Variants in PDE1C observed in about 807,000 individuals in gnomAD.
PDE1C encodes the protein dual specificity calcium/calmodulin-dependent 3',5'-cyclic nucleotide phosphodiesterase 1C.
A neutral mutation model predicts 93.1 loss-of-function variants in PDE1C; 62 were observed. That is an observed-to-expected ratio of 0.67 (90% CI 0.54 to 0.82). The LOEUF is 0.82. Among genes scored for constraint, PDE1C ranks in the 40% least tolerant of loss-of-function variants. The pLI is 0.00. For synonymous variants in PDE1C, 325 were observed against 310.1 expected (o/e 1.05, Z -0.50); for missense variants, 742 against 884.6 (o/e 0.84, Z 2.04).
At chr7:31,716,405 A>C in the PDE1C span, among the ~76,000 whole-genome samples, 3 of 152,186 alleles carry the variant, frequency 2.0e-5, no homozygotes, top group African/African-American at 7.2e-5. Context: ...GTCAGCTATT[A>C]CCATGATTTA....
At chr7:31,901,762 A>T (rs1283145315) in intron 2 of PDE1C, among the ~76,000 whole-genome samples, 1 of 151,656 alleles carries the variant, frequency 6.6e-6, no homozygotes, top group Non-Finnish European at 1.5e-5. Flanking sequence ...TATTGTCAAT[A>T]TTGAGAAAAC....
chr7:32,176,622 T>C (rs1562550130), intron 2 of PDE1C, among the ~76,000 whole-genome samples: 1 of 152,178 alleles, frequency 6.6e-6, no homozygotes, highest in Non-Finnish European at 1.5e-5. Flanking sequence ...AAAATAATGA[T>C]TAATTTAAAT....
exon 1 of PDE1C, chr7:32,299,283 C>CCCT: frequency 1.0e-6 from 1 of 986,528 alleles, no homozygotes; most frequent in Non-Finnish European, 1.2e-6. Flanking sequence ...AAAGGCAAAC[C>CCCT]CCTCAGCCAT....
intron 3 of PDE1C, among the ~76,000 whole-genome samples, chr7:32,129,803 G>GT (rs1393708072): frequency 1.3e-5 from 2 of 151,902 alleles, no homozygotes; most frequent in Admixed American, 6.6e-5. Flanking sequence ...ATGGATTTCT[G>GT]TTTTTTCTTC....
chr7:31,771,019 C>G (rs1409791221), intron 17 of PDE1C, among the ~76,000 whole-genome samples: 5 of 152,212 alleles, frequency 3.3e-5, no homozygotes, highest in African/African-American at 9.6e-5. Flanking sequence ...AGATTTTGAA[C>G]CACTTCTTTT....
intron 1 of PDE1C, among the ~76,000 whole-genome samples, chr7:32,382,824 G>A (rs1041844549): frequency 2.6e-5 from 4 of 152,166 alleles, no homozygotes; most frequent in African/African-American, 4.8e-5. Context: ...ACCAGTCCAC[G>A]CGACTCCGAC....
chr7:31,863,321 T>C (rs1198232612), intron 7 of PDE1C, among the ~76,000 whole-genome samples: 2 of 152,214 alleles, frequency 1.3e-5, no homozygotes, highest in African/African-American at 4.8e-5. Flanking sequence ...TTTTATTTGA[T>C]CTAAAAGGGC....
chr7:32,130,748 T>C (rs1250321625), intron 3 of PDE1C, among the ~76,000 whole-genome samples: 1 of 152,022 alleles, frequency 6.6e-6, no homozygotes, highest in Non-Finnish European at 1.5e-5. Context: ...TAATGAAGAA[T>C]TTAAATAACA....
intron 17 of PDE1C, among the ~76,000 whole-genome samples, chr7:31,763,510 T>G (rs1385120456): frequency 6.6e-6 from 1 of 152,210 alleles, no homozygotes; most frequent in Non-Finnish European, 1.5e-5. Context: ...TATTACTAGC[T>G]GTGAAATCCT....
intron 1 of PDE1C, among the ~76,000 whole-genome samples, chr7:32,218,961 T>G (rs1446392649): frequency 6.6e-6 from 1 of 152,154 alleles, no homozygotes; most frequent in African/African-American, 2.4e-5. Flanking sequence ...CATCCTCAGG[T>G]AGCCAGGAAT....
At chr7:32,425,197 C>T (rs1283052802) in intron 1 of PDE1C, among the ~76,000 whole-genome samples, 1 of 151,782 alleles carries the variant, frequency 6.6e-6, no homozygotes, top group Non-Finnish European at 1.5e-5. Context: ...TAGTTTACTC[C>T]CAGGTTCTCT....
chr7:31,860,286 C>T (rs1040167856), intron 7 of PDE1C, among the ~76,000 whole-genome samples: 7 of 152,200 alleles, frequency 4.6e-5, no homozygotes, highest in South Asian at 2.1e-4. Context: ...ACTGGCATCT[C>T]GTGACTACAG....
intron 2 of PDE1C, among the ~76,000 whole-genome samples, chr7:31,892,218 T>A (rs1798734921): frequency 6.6e-6 from 1 of 152,138 alleles, no homozygotes; most frequent in Non-Finnish European, 1.5e-5. Flanking sequence ...TAGGGGTAAA[T>A]GTTCACCAGT....
chr7:31,839,810 G>A (rs1388372583), intron 9 of PDE1C, among the ~76,000 whole-genome samples: 1 of 152,196 alleles, frequency 6.6e-6, no homozygotes, highest in Non-Finnish European at 1.5e-5. Context: ...GCTGAGGCAG[G>A]TGGATCACCT....
intron 2 of PDE1C, among the ~76,000 whole-genome samples, chr7:31,948,819 G>A (rs1806973691): frequency 6.6e-6 from 1 of 152,088 alleles, no homozygotes; most frequent in Non-Finnish European, 1.5e-5. Flanking sequence ...CACAAATCTG[G>A]CAACCAAGAT....
At chr7:32,135,664 G>A (rs976599408) in intron 3 of PDE1C, among the ~76,000 whole-genome samples, 2 of 152,198 alleles carry the variant, frequency 1.3e-5, no homozygotes, top group African/African-American at 4.8e-5. Context: ...TTGTTGGTAA[G>A]CATGTAAGTT....
chr7:32,037,720 C>T (rs1049136445), intron 2 of PDE1C, among the ~76,000 whole-genome samples: 2 of 152,102 alleles, frequency 1.3e-5, no homozygotes, highest in African/African-American at 2.4e-5. Context: ...CTGTCTGGGT[C>T]CTATATCTCT....
At position 32,207,245 on chromosome 7, in the gene PDE1C, C is replaced by A. The variant is rs570326482; in HGVS notation, c.136+2244G>T. Among the ~76,000 whole-genome samples the A allele has an allele frequency of 5.9e-5, 9 of 152,208 alleles. No homozygotes were observed. In the East Asian group the frequency reaches 1.7e-3, roughly 30 times the overall value. ...CACAGCACAGGCTCTGGCCACCCGC[C>A]CCCGCCAATCCCCGTCGTGCCTGAT... On this transcript the variant is annotated intron_variant, in intron 2 of 18. Coordinates refer to the PDE1C transcript ENST00000396193.
chr7:32,342,019 GGAAA>G (rs1783767082), intron 1 of PDE1C, among the ~76,000 whole-genome samples: 1 of 151,204 alleles, frequency 6.6e-6, no homozygotes, highest in Non-Finnish European at 1.5e-5. Context: ...TACTAACTCT[GGAAA>G]GAGAGGGTTA....
Sources: allele counts gnomAD v4.1 joint callset (sites outside exome capture counted in the v4.1 genomes callset), GRCh38; gene constraint gnomAD v4.1.1; transcripts MANE v1.5; gene names NCBI Gene and HGNC (gene_info 2026-07-23, HGNC 2026-07-21).